Variants in METTL15 observed in about 807,000 individuals in gnomAD.
The protein encoded by METTL15 is 12S rRNA N(4)-cytidine methyltransferase METTL15.
METTL15 carries 34 observed loss-of-function variants against 38.3 expected under a neutral mutation model. That is an observed-to-expected ratio of 0.89 (90% confidence interval 0.68 to 1.18). METTL15 has a LOEUF of 1.18. Among genes scored for constraint, METTL15 ranks in the 50% most tolerant of loss-of-function variants. METTL15 has a pLI of 0.00. For missense variants in METTL15, 438 were observed against 498.4 expected (o/e 0.88, Z 1.15); for synonymous variants, 162 against 170.9 (o/e 0.95, Z 0.41).
In METTL15 at chr11:28,173,655, C is replaced by G. The variant is rs928644320; in HGVS notation, c.271-37407C>G. ...ACACAATCATTAACTAAAGTCTGTT[C>G]TTTACTCATATTTCCTTAGCTTTTA... is the stretch of plus-strand genomic sequence containing the variant. On this transcript the variant is annotated intron_variant, in intron 3 of 6. Coordinates refer to ENST00000407364, the MANE Select transcript of METTL15 (RefSeq NM_001113528.2). Among the ~76,000 whole-genome samples, 7 of 152,124 alleles carry G rather than the reference C, an allele frequency of 4.6e-5. 1 individual carries two copies. The highest frequency in any genetic ancestry group is 1.4e-4 in the African/African-American group (6 of 41,428).
chr11:28,471,607 G>A (rs972354850), intron 6 of METTL15, among the ~76,000 whole-genome samples: 33 of 152,010 alleles, frequency 2.2e-4, no homozygotes, highest in African/African-American at 8.0e-4. Context: ...ATCATGCAAG[G>A]TTGCTTTTCT....
chr11:28,397,026 CT>C (rs1850577607), intron 5 of METTL15, among the ~76,000 whole-genome samples: 1 of 152,136 alleles, frequency 6.6e-6, no homozygotes, highest in Non-Finnish European at 1.5e-5. Context: ...GTTGGGAAAA[CT>C]GGCTAGCCAT....
At chr11:28,179,932 A>G (rs533162354) in intron 3 of METTL15, among the ~76,000 whole-genome samples, 1 of 151,870 alleles carries the variant, frequency 6.6e-6, no homozygotes, top group South Asian at 2.1e-4. Context: ...ATATTTTTTA[A>G]TGTTATCCTT....
chr11:28,167,546 A>G (rs1850699796), intron 3 of METTL15, among the ~76,000 whole-genome samples: 1 of 152,026 alleles, frequency 6.6e-6, no homozygotes, highest in Non-Finnish European at 1.5e-5. Flanking sequence ...GCAGCCCTCC[A>G]GGATTCAGTA....
chr11:28,492,444 T>C (rs369553103), intron 6 of METTL15, among the ~76,000 whole-genome samples: 8 of 152,142 alleles, frequency 5.3e-5, no homozygotes, highest in African/African-American at 1.9e-4. Flanking sequence ...GGTAAGTGCA[T>C]AGGTTTCCTT....
chr11:28,438,088 A>G (rs75165141), intron 6 of METTL15, among the ~76,000 whole-genome samples: 10 of 152,362 alleles, frequency 6.6e-5, no homozygotes, highest in African/African-American at 2.4e-4. Flanking sequence ...TATTATTCCT[A>G]TTTTAAGAAG....
rs954324527 is a variant in METTL15 at position 28,441,209 on chromosome 11, G to A, written c.*424+16845G>A. 4.0e-5 allele frequency among the ~76,000 whole-genome samples: 6 copies of A among 151,804 alleles called. No individual in the cohort carries two copies. In the East Asian group the frequency reaches 5.8e-4, roughly 15 times the overall value. On this transcript the variant is annotated intron_variant and NMD_transcript_variant, in intron 6 of 7. Transcript: ENST00000532947. ...AAGCAATCCTCCTGCGTCAGCCTCC[G>A]GAGTAGCTGGGGCTACAAGCACGTG...
chr11:28,262,324 TAAC>T (rs1855237707), intron 4 of METTL15, among the ~76,000 whole-genome samples: 1 of 151,036 alleles, frequency 6.6e-6, no homozygotes. Flanking sequence ...TACTATGTAA[TAAC>T]TATGCATACA....
At chr11:28,429,991 G>A (rs1465898400) in intron 6 of METTL15, among the ~76,000 whole-genome samples, 1 of 132,868 alleles carries the variant, frequency 7.5e-6, no homozygotes, top group East Asian at 2.5e-4. Context: ...GAGATGTGGG[G>A]AGCGCCTCTG....
intron 5 of METTL15, among the ~76,000 whole-genome samples, chr11:28,390,533 A>G (rs1370684808): frequency 1.3e-5 from 2 of 152,094 alleles, no homozygotes; most frequent in African/African-American, 2.4e-5. Flanking sequence ...AAGATCAGAT[A>G]GTTGTAGATA....
At chr11:28,455,958 G>T (rs1564936235) in intron 6 of METTL15, among the ~76,000 whole-genome samples, 2 of 152,002 alleles carry the variant, frequency 1.3e-5, no homozygotes, top group Non-Finnish European at 2.9e-5. Context: ...TGCCCGCTTT[G>T]GCCTCCCAAA....
intron 3 of METTL15, among the ~76,000 whole-genome samples, chr11:28,177,748 T>C (rs1851130454): frequency 1.3e-5 from 2 of 151,962 alleles, no homozygotes; most frequent in Non-Finnish European, 2.9e-5. Context: ...TGGAGTCTAT[T>C]GGAAATTAGA....
At chr11:28,342,109 T>C (rs964585674) in intron 3 of METTL15, among the ~76,000 whole-genome samples, 1 of 152,148 alleles carries the variant, frequency 6.6e-6, no homozygotes, top group Admixed American at 6.6e-5. Flanking sequence ...AGTGACAACT[T>C]ACAGAAGGAA....
intron 6 of METTL15, among the ~76,000 whole-genome samples, chr11:28,524,786 C>T (rs541684123): frequency 1.2e-4 from 18 of 152,148 alleles, no homozygotes; most frequent in Non-Finnish European, 2.2e-4. Context: ...AGGAGAAGAA[C>T]ATACAGGGCT....
intron 4 of METTL15, among the ~76,000 whole-genome samples, chr11:28,272,389 T>TA (rs1363199202): frequency 6.6e-6 from 1 of 151,988 alleles, no homozygotes; most frequent in African/African-American, 2.4e-5. Flanking sequence ...TATGCAGCCA[T>TA]AAAAAAGGAC....
At chr11:28,306,452 C>T (rs1590297259) in intron 6 of METTL15, among the ~76,000 whole-genome samples, 2 of 152,116 alleles carry the variant, frequency 1.3e-5, no homozygotes, top group East Asian at 3.9e-4. Flanking sequence ...TCTGAACGAT[C>T]CATTTCAGAA....
At chr11:28,337,392 A>T (rs1272701301), downstream of METTL15, among the ~76,000 whole-genome samples, 1 of 152,104 alleles carries the variant, frequency 6.6e-6, no homozygotes, top group East Asian at 1.9e-4. Context: ...TAGAAATAAA[A>T]ATGGACTGAG....
chr11:28,464,669 A>G (rs921975952), intron 6 of METTL15, among the ~76,000 whole-genome samples: 1 of 152,098 alleles, frequency 6.6e-6, no homozygotes, highest in African/African-American at 2.4e-5. Flanking sequence ...CTGTTCCTCA[A>G]ATGCTGTCGT....
intron 6 of METTL15, chr11:28,517,080 A>G (rs1851725571): frequency 6.6e-6 from 1 of 152,200 alleles, no homozygotes. Flanking sequence ...TTCTTTGCAA[A>G]TGGGACAGAC....
Sources: allele counts gnomAD v4.1 joint callset (sites outside exome capture counted in the v4.1 genomes callset), GRCh38; gene constraint gnomAD v4.1.1; transcripts MANE v1.5; gene names NCBI Gene and HGNC (gene_info 2026-07-23, HGNC 2026-07-21).